Variants in IL1RL2 observed in about 807,000 individuals in gnomAD.
IL1RL2 encodes interleukin-1 receptor-like 2.
IL1RL2 carries 68 observed loss-of-function variants against 66.8 expected under a neutral mutation model. The observed-to-expected ratio is 1.02, with a 90% CI of 0.84 to 1.25. IL1RL2 has a LOEUF of 1.25. Ranked by LOEUF, IL1RL2 falls within the 50% of genes most tolerant of loss-of-function variation. The pLI, the probability that IL1RL2 is intolerant of heterozygous loss-of-function variation, is 0.00. For synonymous variants in IL1RL2, 305 were observed against 264.6 expected, an observed-to-expected ratio of 1.15 and a Z score of -1.48; for missense variants, 729 against 709.3, an observed-to-expected ratio of 1.03 and a Z score of -0.32.
rs1391462614 is a variant in IL1RL2, at chr2:102,237,504, C to T, written c.1679-1688C>T. On this transcript the variant is annotated intron_variant, in intron 11 of 11. Coordinates refer to ENST00000264257, the MANE Select transcript of IL1RL2 (RefSeq NM_003854.4). ...ACCAGCCCAGAGAAGAGAACGGCAG[C>T]GAGTGAGGGGACAGAGTGCGGAACA... is the stretch of plus-strand genomic sequence containing the variant. 8.5e-5 allele frequency among the ~76,000 whole-genome samples: 13 copies of T among 152,244 alleles called. No individual in the cohort carries two copies. The South Asian group carries it at 1.2e-3, about 15-fold the overall frequency.
chr2:102,237,764 G>C (rs1014959712), intron 11 of IL1RL2, among the ~76,000 whole-genome samples: 19 of 152,228 alleles, frequency 1.2e-4, no homozygotes, highest in Admixed American at 1.2e-3. Flanking sequence ...CAGGTTGGCA[G>C]GTAACAGCTC....
chr2:102,202,951 G>A (rs539946661), intron 5 of IL1RL2, among the ~76,000 whole-genome samples: 22 of 152,142 alleles, frequency 1.4e-4, no homozygotes, highest in Non-Finnish European at 2.2e-4. Flanking sequence ...CATCCTCCTC[G>A]TGTTCCAGAA....
intron 5 of IL1RL2, among the ~76,000 whole-genome samples, chr2:102,203,557 T>C (rs772837841): frequency 1.3e-5 from 2 of 152,070 alleles, no homozygotes; most frequent in African/African-American, 2.4e-5. Flanking sequence ...TTCTCTTTAA[T>C]AAAGATACTT....
intron 4 of IL1RL2, among the ~76,000 whole-genome samples, chr2:102,197,895 C>T (rs1687919602): frequency 6.6e-6 from 1 of 152,150 alleles, no homozygotes; most frequent in African/African-American, 2.4e-5. Flanking sequence ...CCCCACTTTC[C>T]AGATTGTGGT....
rs536072455 is a variant in IL1RL2, at chr2:102,198,376, G to A, written c.490-3180G>A. ...AATTGAAGAGCTTACAGAGGACAAG[G>A]TTTGGGTATTAAGACATCTGTCTAC... On this transcript the variant is annotated intron_variant, in intron 4 of 11. Coordinates refer to ENST00000264257, the MANE Select transcript of IL1RL2 (RefSeq NM_003854.4). Among the ~76,000 whole-genome samples, 9 of 152,266 alleles carry A rather than the reference G, an allele frequency of 5.9e-5. No individual in the cohort carries two copies. In the South Asian group the frequency reaches 1.9e-3, roughly 32 times the overall value.
chr2:102,221,465 A>G (rs1486235963), intron 8 of IL1RL2, among the ~76,000 whole-genome samples: 3 of 151,382 alleles, frequency 2.0e-5, no homozygotes, highest in Non-Finnish European at 4.4e-5. Flanking sequence ...AAACTCTCCA[A>G]CCTCCTGGTT....
At chr2:102,197,400 G>A (rs1189086290) in intron 4 of IL1RL2, among the ~76,000 whole-genome samples, 3 of 152,216 alleles carry the variant, frequency 2.0e-5, no homozygotes, top group Non-Finnish European at 4.4e-5. Flanking sequence ...ATACCTGAAA[G>A]AGCTTGGAAA....
chr2:102,224,141 C>T (rs563679355), intron 8 of IL1RL2, among the ~76,000 whole-genome samples: 1 of 152,262 alleles, frequency 6.6e-6, no homozygotes, highest in Non-Finnish European at 1.5e-5. Flanking sequence ...TTTATAGCCA[C>T]TGTGGAAAAC....
intron 5 of IL1RL2, 65 bp downstream of exon 5, chr2:102,201,780 C>G: frequency 6.6e-7 from 1 of 1,525,886 alleles, no homozygotes; most frequent in Non-Finnish European, 8.9e-7. Context: ...TGGCTTCTGG[C>G]TTTGGGTTTT....
At chr2:102,190,609 A>T (rs1031443633) in intron 3 of IL1RL2, among the ~76,000 whole-genome samples, 1 of 152,248 alleles carries the variant, frequency 6.6e-6, no homozygotes, top group Admixed American at 6.5e-5. Flanking sequence ...TGAGTGGTTC[A>T]CAAGTGGAAG....
At chr2:102,189,459 T>C (rs918655865) in intron 3 of IL1RL2, 149 bp downstream of exon 3, 6 of 609,102 alleles carry the variant, frequency 9.9e-6, no homozygotes, top group African/African-American at 1.8e-5. Context: ...AGTGAACACA[T>C]TTTTAAACAG....
chr2:102,224,349 A>G (rs1559555716), intron 8 of IL1RL2, among the ~76,000 whole-genome samples: 1 of 152,230 alleles, frequency 6.6e-6, no homozygotes, highest in Non-Finnish European at 1.5e-5. Flanking sequence ...TGGATAAAGA[A>G]ATTCTGTCAT....
At chr2:102,228,158 G>A (rs1690800228) in intron 9 of IL1RL2, among the ~76,000 whole-genome samples, 1 of 152,070 alleles carries the variant, frequency 6.6e-6, no homozygotes, top group Non-Finnish European at 1.5e-5. Context: ...ATTTTGTGAT[G>A]AAATTCTCTA....
In IL1RL2 at chr2:102,234,905, A is replaced by T. The variant is rs370451497; in HGVS notation, c.1306A>T (p.Asn436Tyr). The T allele has an allele frequency of 5.2e-5, 84 of 1,611,174 alleles. No homozygotes were observed. Among genetic ancestry groups the T allele is most frequent in the Non-Finnish European group, 6.9e-5 (81 of 1,177,614 alleles). Residue 436 changes from asparagine to tyrosine, a missense_variant, in exon 11 of 12, where the codon AAT becomes TAT. Coordinates refer to ENST00000264257, the MANE Select transcript of IL1RL2 (RefSeq NM_003854.4). The stretch of plus-strand genomic sequence containing the variant: ...TCTTTCTTTATTTCCAGCCGTGGCC[A>T]ATGTCATCGATGAAAACGTTAAGCT... ...RDEFPGQAVA[N>Y]VIDENVKLCR...
chr2:102,220,915 G>A (rs559104865), intron 8 of IL1RL2, among the ~76,000 whole-genome samples: 11 of 152,260 alleles, frequency 7.2e-5, no homozygotes, highest in South Asian at 2.1e-4. Flanking sequence ...CTAAGTGCCC[G>A]TTACCTCCCT....
chr2:102,226,625 A>G (rs1690640168), intron 9 of IL1RL2, among the ~76,000 whole-genome samples: 1 of 151,980 alleles, frequency 6.6e-6, no homozygotes, highest in Non-Finnish European at 1.5e-5. Flanking sequence ...AAAGGAATAG[A>G]GGAAGGAAGG....
At chr2:102,234,107 T>C (rs1432443626) in intron 10 of IL1RL2, among the ~76,000 whole-genome samples, 1 of 152,220 alleles carries the variant, frequency 6.6e-6, no homozygotes, top group African/African-American at 2.4e-5. Context: ...CATCAGGGCA[T>C]GTTATTTGGT....
chr2:102,187,156 G>C (rs1348962863), intron 1 of IL1RL2, 70 bp downstream of exon 1: 6 of 1,270,278 alleles, frequency 4.7e-6, no homozygotes, highest in African/African-American at 1.5e-5. Context: ...GAGGTGTGCA[G>C]GAAAAGACGT....
intron 5 of IL1RL2, among the ~76,000 whole-genome samples, chr2:102,209,751 G>A (rs1688999778): frequency 2.6e-5 from 4 of 152,172 alleles, no homozygotes; most frequent in Admixed American, 2.6e-4. Flanking sequence ...TGAAGCCAGA[G>A]TTGAAGAGGG....
Sources: gnomAD v4.1 joint callset for allele counts (sites outside exome capture counted in the v4.1 genomes callset) on GRCh38, gnomAD v4.1.1 for gene constraint, MANE v1.5 for transcripts, NCBI Gene and HGNC (gene_info 2026-07-23, HGNC 2026-07-21) for gene names.